The following TEX11 variants were observed in gnomAD, a reference collection of about 807,000 sequenced individuals.
TEX11 encodes testis expressed 11.
Under a neutral mutation model 84.4 loss-of-function variants are expected in TEX11, and 7 were observed. The ratio of observed to expected loss-of-function variants is 0.08; its 90% CI spans 0.05 to 0.16. TEX11 has a LOEUF of 0.16. TEX11 is among the 10% of genes least tolerant of loss of function. The pLI is 1.00. For missense variants in TEX11, 551 were observed against 660.5 expected, an observed-to-expected ratio of 0.83 and a Z score of 1.82; for synonymous variants, 264 against 222.8, an observed-to-expected ratio of 1.18 and a Z score of -1.64.
chrX:70,732,364 C>G (rs1026448506), intron 11 of TEX11, among the ~76,000 whole-genome samples: 9 of 111,370 alleles, frequency 8.1e-5, no homozygotes, highest in African/African-American at 2.3e-4. Flanking sequence ...TCAAATTGTC[C>G]CTGTTTGCAG....
chrX:70,903,923 C>T (rs915295958), intron 2 of TEX11, among the ~76,000 whole-genome samples: 2 of 104,106 alleles, frequency 1.9e-5, no homozygotes, highest in Non-Finnish European at 3.9e-5. Flanking sequence ...TAGGCTCAAG[C>T]GATCCTCCCA....
At chrX:70,760,217 C>T (rs2090899415) in intron 9 of TEX11, among the ~76,000 whole-genome samples, 1 of 111,523 alleles carries the variant, frequency 9.0e-6, no homozygotes, top group Admixed American at 9.5e-5. Context: ...CAATGCCATC[C>T]CCATCAAGCT....
intron 7 of TEX11, among the ~76,000 whole-genome samples, chrX:70,850,961 T>A (rs777422029): frequency 8.9e-6 from 1 of 111,735 alleles, no homozygotes; most frequent in Non-Finnish European, 1.9e-5. Context: ...CCTAAATAAA[T>A]GAAAAGACAT....
chrX:70,638,108 G>T (rs2089597824), intron 17 of TEX11, among the ~76,000 whole-genome samples: 1 of 111,130 alleles, frequency 9.0e-6, no homozygotes, highest in African/African-American at 3.3e-5. Context: ...TTCCGAACCT[G>T]GGGAAAGATA....
At chrX:70,776,423 C>T (rs745503960) in intron 9 of TEX11, among the ~76,000 whole-genome samples, 2 of 109,230 alleles carry the variant, frequency 1.8e-5, no homozygotes, top group African/African-American at 3.3e-5. Flanking sequence ...TTTAGCCAGG[C>T]GTGGTGGTGC....
At chrX:70,575,431 T>G (rs2088660403) in intron 25 of TEX11, among the ~76,000 whole-genome samples, 1 of 111,923 alleles carries the variant, frequency 8.9e-6, no homozygotes, top group Non-Finnish European at 1.9e-5. Context: ...TCCTCCCTCA[T>G]GAACAGGGTT....
At position 70,752,417 on chromosome X, in the gene TEX11, C is replaced by T. The variant is rs952921513; in HGVS notation, c.693-8198G>A. 4.8e-5 allele frequency among the ~76,000 whole-genome samples: 5 copies of T among 103,327 alleles called. No individual in the cohort carries two copies. The Admixed American group carries it at 5.4e-4, about 11-fold the overall frequency. 89.7% of individuals were successfully genotyped at this position (103,327 alleles called of 115,157 possible). A position where few individuals can be genotyped will look rare whatever the true frequency, so the allele number is the denominator to read the frequency against. The stretch of plus-strand genomic sequence containing the variant: ...GCACAGGCCTGTAATCCCAGCTGTT[C>T]GGGAGGCTGAGGCAAGAGAATTGCT... On this transcript the variant is annotated intron_variant, in intron 9 of 29. Coordinates refer to ENST00000374333, the MANE Select transcript of TEX11 (RefSeq NM_031276.3).
At chrX:70,684,815 T>A (rs899451396) in intron 13 of TEX11, among the ~76,000 whole-genome samples, 1 of 111,440 alleles carries the variant, frequency 9.0e-6, no homozygotes, top group African/African-American at 3.3e-5. Context: ...TTAAAATTTG[T>A]ATGGAACCAC....
intron 20 of TEX11, among the ~76,000 whole-genome samples, chrX:70,611,033 C>T (rs1400676099): frequency 1.8e-5 from 2 of 112,279 alleles, no homozygotes; most frequent in East Asian, 2.8e-4. Context: ...AAAATTTCCA[C>T]GGTTCTAAGG....
At chrX:70,882,027 CAA>C (rs61563153) in intron 2 of TEX11, among the ~76,000 whole-genome samples, 40 of 41,671 alleles carry the variant, frequency 9.6e-4, no homozygotes, top group African/African-American at 2.8e-3. Flanking sequence ...GACTCCATCT[CAA>C]AAAAAAAAAA....
rs955713174 is a variant in TEX11 at position 70,751,654 on chromosome X, A to G, written c.693-7435T>C. 3.6e-5 allele frequency among the ~76,000 whole-genome samples: 4 copies of G among 111,743 alleles called. No individual in the cohort carries two copies. The South Asian group carries it at 1.5e-3, about 42-fold the overall frequency. ...ATAATAAACAAAAAAAAGAAAAAAA[A>G]ATCTGTGAAATTAGAATCTTATATC... On this transcript the variant is annotated intron_variant, in intron 9 of 29. Transcript: ENST00000374333.
intron 7 of TEX11, among the ~76,000 whole-genome samples, chrX:70,838,932 C>T (rs1216671047): frequency 3.6e-5 from 4 of 112,109 alleles, no homozygotes; most frequent in Admixed American, 9.4e-5. Context: ...CAGCGAGGCT[C>T]GGGGAGGGGC....
intron 9 of TEX11, among the ~76,000 whole-genome samples, chrX:70,792,736 C>G (rs2091132203): frequency 9.1e-6 from 1 of 110,063 alleles, no homozygotes; most frequent in Admixed American, 9.8e-5. Context: ...GAATTTACAT[C>G]CAAATTCTAC....
intron 16 of TEX11, among the ~76,000 whole-genome samples, chrX:70,661,617 G>A (rs1360577292): frequency 1.8e-5 from 2 of 111,700 alleles, no homozygotes; most frequent in Non-Finnish European, 3.8e-5. Flanking sequence ...TAACTGGGAG[G>A]CACCCCCCAG....
At chrX:70,712,199 A>G (rs752366979) in intron 13 of TEX11, among the ~76,000 whole-genome samples, 1 of 111,464 alleles carries the variant, frequency 9.0e-6, no homozygotes, top group South Asian at 3.8e-4. Context: ...GTAGCCTTGT[A>G]GTATAGTTTG....
Position 70,606,233 on chromosome X carries a change from T to C in TEX11, c.1951-716A>G, listed in dbSNP as rs145819989. On this transcript the variant is annotated intron_variant, in intron 23 of 29. Transcript: ENST00000374333. ...CTCTTTAGGTCTCTGATTACTCTTA[T>C]GTGAGATGAAGGAGTTGTGCTAGAT... Among the ~76,000 whole-genome samples the C allele has an allele frequency of 3.0e-3, 342 of 112,537 alleles. 8 individuals carry two copies. In the East Asian group the frequency reaches 0.073, roughly 24 times the overall value.
intron 7 of TEX11, among the ~76,000 whole-genome samples, chrX:70,834,906 A>T: frequency 9.0e-6 from 1 of 111,607 alleles, no homozygotes; most frequent in Non-Finnish European, 1.9e-5. Flanking sequence ...ATAATAAAAG[A>T]ATTGAGTAGA....
At chrX:70,636,659 G>A (rs1170011563) in intron 17 of TEX11, among the ~76,000 whole-genome samples, 1 of 112,186 alleles carries the variant, frequency 8.9e-6, no homozygotes, top group Non-Finnish European at 1.9e-5. Flanking sequence ...TGTTTGGTCA[G>A]CCAATGGGGG....
intron 20 of TEX11, among the ~76,000 whole-genome samples, chrX:70,611,245 G>A (rs779746013): frequency 8.9e-6 from 1 of 112,030 alleles, no homozygotes; most frequent in African/African-American, 3.2e-5. Context: ...TGAACACACT[G>A]AAAAATTAGT....
Sources: gnomAD v4.1 joint callset for allele counts (sites outside exome capture counted in the v4.1 genomes callset) on GRCh38, gnomAD v4.1.1 for gene constraint, MANE v1.5 for transcripts, NCBI Gene and HGNC (gene_info 2026-07-23, HGNC 2026-07-21) for gene names.